The following ACTR6 variants were observed in gnomAD, a reference collection of about 807,000 sequenced individuals.
ACTR6 encodes actin-related protein 6.
A neutral mutation model predicts 52.5 loss-of-function variants in ACTR6; 50 were observed. That is an observed-to-expected ratio of 0.95 (90% CI 0.76 to 1.20). ACTR6 has a LOEUF of 1.20. Among genes scored for constraint, ACTR6 ranks in the 50% most tolerant of loss-of-function variants. The probability of loss-of-function intolerance (pLI) is 0.00; values close to 1 mark genes in which losing one functional copy is unlikely to be tolerated. For missense variants in ACTR6, 344 were observed against 472.4 expected (o/e 0.73, Z 2.52); for synonymous variants, 135 against 147.2 (o/e 0.92, Z 0.60).
chr12:100,207,990 T>C lies in ACTR6; in HGVS notation c.379+204T>C, dbSNP rs753365762. On this transcript the variant is annotated intron_variant, in intron 4 of 10. Coordinates refer to ENST00000188312, the MANE Select transcript of ACTR6 (RefSeq NM_022496.5). Reference sequence around the variant, plus strand: ...GCCTGGGCAGCATGGTGAAACCCTGTCTCTACAAAAAAATAGAAAAATTAG... The same window carrying C: ...GCCTGGGCAGCATGGTGAAACCCTGCCTCTACAAAAAAATAGAAAAATTAG... The C allele has an allele frequency of 9.4e-6, 4 of 424,234 alleles. No homozygotes were observed. In the East Asian group the frequency reaches 1.6e-4, roughly 17 times the overall value. 26.3% of individuals were successfully genotyped at this position (424,234 alleles called of 1,614,324 possible).
Position 100,201,539 on chromosome 12 carries a change from TCCTC to T in ACTR6, c.68+626_68+629del, listed in dbSNP as rs906337861. Among the ~76,000 whole-genome samples the T allele has an allele frequency of 6.8e-4, 103 of 152,332 alleles. 1 individual carries two copies. The highest frequency in any genetic ancestry group is 2.4e-3 in the African/African-American group (98 of 41,592). Reference sequence around the variant, plus strand: ...AGAGCATTAAAAAAAATTCTTTCCTTCCTCCCTCCTTTCCTTCTTTTTCATTTCT... The same window carrying T: ...AGAGCATTAAAAAAAATTCTTTCCTTCCTCCTTTCCTTCTTTTTCATTTCT... On this transcript the variant is annotated intron_variant, in intron 1 of 10. Coordinates refer to ENST00000188312, the MANE Select transcript of ACTR6 (RefSeq NM_022496.5).
chr12:100,223,694 T>C, intron 10 of ACTR6, 92 bp from the exon 11 acceptor site: 7 of 1,468,024 alleles, frequency 4.8e-6, no homozygotes, highest in Non-Finnish European at 6.4e-6. Flanking sequence ...AAAACACAAA[T>C]TACTTTTGCA....
intron 2 of ACTR6, 120 bp downstream of exon 2, chr12:100,205,177 A>T: frequency 1.4e-5 from 8 of 574,156 alleles, no homozygotes; most frequent in South Asian, 2.7e-5. Flanking sequence ...TTAAACCCAA[A>T]TTAAAATTTA....
At chr12:100,205,837 A>G (rs2153900030) in intron 3 of ACTR6, 93 bp downstream of exon 3, 1 of 699,840 alleles carries the variant, frequency 1.4e-6, no homozygotes, top group Admixed American at 3.0e-5. Context: ...AAACTTATGA[A>G]TAATGTTCTC....
At chr12:100,202,023 C>T (rs1270091975) in intron 1 of ACTR6, among the ~76,000 whole-genome samples, 2 of 151,950 alleles carry the variant, frequency 1.3e-5, no homozygotes, top group African/African-American at 2.4e-5. Context: ...CCTCTGCCTC[C>T]CGGGTTCAAG....
rs748794132 is a variant in ACTR6 at position 100,219,999 on chromosome 12, CTTTT to C, written c.923-8_923-5del. The C allele has an allele frequency of 3.7e-6, 6 of 1,610,730 alleles. No homozygotes were observed. Among genetic ancestry groups the C allele is most frequent in the Non-Finnish European group, 4.2e-6 (5 of 1,178,844 alleles). On this transcript the variant is annotated splice_polypyrimidine_tract_variant and splice_region_variant and intron_variant, in intron 9 of 10. Coordinates refer to ENST00000188312, the MANE Select transcript of ACTR6 (RefSeq NM_022496.5). ...TTTTTCCTTTCCTTCTCCTTTTCTT[CTTTT>C]AAAGAAATGCAGCCGCATTTTTTTA...
intron 4 of ACTR6, 48 bp downstream of exon 4, chr12:100,207,834 A>C (rs1438377646): frequency 1.3e-6 from 2 of 1,561,722 alleles, no homozygotes; most frequent in South Asian, 2.2e-5. Flanking sequence ...TATGGATATG[A>C]ATAGGGTAAT....
chr12:100,220,446 C>A (rs2096127226), intron 10 of ACTR6, among the ~76,000 whole-genome samples: 2 of 152,218 alleles, frequency 1.3e-5, no homozygotes, highest in South Asian at 4.1e-4. Context: ...ATAGGCAAAG[C>A]AATCAGGTTA....
intron 8 of ACTR6, among the ~76,000 whole-genome samples, chr12:100,216,302 G>A (rs2096123848): frequency 6.6e-6 from 1 of 152,164 alleles, no homozygotes. Flanking sequence ...ACCACAGATG[G>A]TCACCACCAA....
intron 2 of ACTR6, 114 bp from the exon 3 acceptor site, chr12:100,205,562 T>C: frequency 1.5e-6 from 1 of 653,050 alleles, no homozygotes; most frequent in Non-Finnish European, 2.4e-6. Context: ...TAACCATAGA[T>C]AGAAATCAGT....
At chr12:100,214,344 AT>A (rs1592843216) in intron 8 of ACTR6, among the ~76,000 whole-genome samples, 1 of 152,062 alleles carries the variant, frequency 6.6e-6, no homozygotes, top group African/African-American at 2.4e-5. Context: ...ACAAAAGTGA[AT>A]TTTTTTGGGC....
At chr12:100,211,068 G>A (rs2096119495) in intron 6 of ACTR6, among the ~76,000 whole-genome samples, 1 of 152,072 alleles carries the variant, frequency 6.6e-6, no homozygotes, top group East Asian at 1.9e-4. Flanking sequence ...TGCCCATGCT[G>A]GTCTCAAACT....
At chr12:100,215,666 T>C (rs757688941) in intron 8 of ACTR6, among the ~76,000 whole-genome samples, 9 of 152,352 alleles carry the variant, frequency 5.9e-5, no homozygotes, top group Non-Finnish European at 1.0e-4. Flanking sequence ...ATGTTTATTG[T>C]AGAAAGAATG....
At chr12:100,207,157 A>G (rs1167385460) in intron 3 of ACTR6, among the ~76,000 whole-genome samples, 1 of 151,946 alleles carries the variant, frequency 6.6e-6, no homozygotes, top group Admixed American at 6.6e-5. Flanking sequence ...AGGCTGAAGC[A>G]ATTAGCCTAC....
At chr12:100,201,124 C>T in intron 1 of ACTR6, 3 of 1,315,868 alleles carry the variant, frequency 2.3e-6, no homozygotes, top group Non-Finnish European at 3.0e-6. Context: ...TGCGAGGCCC[C>T]GGAAGTGGGA....
chr12:100,211,612 A>G (rs1410747055), intron 6 of ACTR6, among the ~76,000 whole-genome samples: 3 of 152,068 alleles, frequency 2.0e-5, no homozygotes, highest in Non-Finnish European at 4.4e-5. Context: ...CAATTATTAC[A>G]TGTCAGCTTA....
At chr12:100,220,594 A>C (rs1295996383) in intron 10 of ACTR6, among the ~76,000 whole-genome samples, 1 of 152,174 alleles carries the variant, frequency 6.6e-6, no homozygotes, top group South Asian at 2.1e-4. Context: ...CCTTTAAATG[A>C]CTTTTATTAA....
At position 100,224,222 on chromosome 12, in the gene ACTR6, A is replaced by C. The variant is rs186423265; in HGVS notation, c.*307A>C. ...TTTAATTCTTCATAGCTGAAAGCAC[A>C]AATTTAACGGCTTCACTGGACAGTT... On this transcript the variant is annotated 3_prime_UTR_variant, in exon 11 of 11. Coordinates refer to ENST00000188312, the MANE Select transcript of ACTR6 (RefSeq NM_022496.5). 305 of 183,554 alleles carry C rather than the reference A, an allele frequency of 1.7e-3. 1 individual carries two copies. Among genetic ancestry groups the C allele is most frequent in the African/African-American group, 6.7e-3 (285 of 42,506 alleles). The allele number at this position is 183,554 out of a possible 1,614,324, so 11.4% of individuals were successfully genotyped here. A position where few individuals can be genotyped will look rare whatever the true frequency, so the allele number is the denominator to read the frequency against.
chr12:100,205,248 CTTACA>C (rs2096113492), intron 2 of ACTR6, 191 bp downstream of exon 2: 1 of 468,486 alleles, frequency 2.1e-6, no homozygotes, highest in Non-Finnish European at 3.7e-6. Context: ...CTGATTTTTA[CTTACA>C]TTAAATCTAA....
Sources: allele counts gnomAD v4.1 joint callset (sites outside exome capture counted in the v4.1 genomes callset), GRCh38; gene constraint gnomAD v4.1.1; transcripts MANE v1.5; gene names NCBI Gene and HGNC (gene_info 2026-07-23, HGNC 2026-07-21).